LCP1: variants seen among roughly 807,000 people sequenced by gnomAD.
LCP1 encodes lymphocyte cytosolic protein 1.
Under a neutral mutation model 72.0 loss-of-function variants are expected in LCP1, and 23 were observed. That is an observed-to-expected ratio of 0.32 (90% CI 0.23 to 0.45). LCP1 has a LOEUF of 0.45. Ranked by LOEUF, LCP1 falls within the 20% of genes least tolerant of loss-of-function variation. LCP1 has a pLI of 1.00. For missense variants in LCP1, 571 were observed against 748.3 expected (o/e 0.76, Z 2.76); for synonymous variants, 245 against 275.4 (o/e 0.89, Z 1.09).
intron 1 of LCP1, among the ~76,000 whole-genome samples, chr13:46,178,018 G>T (rs185038289): frequency 6.9e-6 from 1 of 145,104 alleles, no homozygotes; most frequent in Admixed American, 6.7e-5. Context: ...AAGCACCATG[G>T]TTTGCTACCT....
chr13:46,176,041 A>C (rs2045927711), intron 1 of LCP1, among the ~76,000 whole-genome samples: 1 of 152,200 alleles, frequency 6.6e-6, no homozygotes, highest in Non-Finnish European at 1.5e-5. Context: ...ACCTGAGATT[A>C]CTAGAGGCTG....
At chr13:46,142,920 C>T (rs765521277) in intron 12 of LCP1, 5 of 365,526 alleles carry the variant, frequency 1.4e-5, no homozygotes, top group Non-Finnish European at 2.7e-5. Flanking sequence ...AATGTTCCCA[C>T]TGTGTTGACA....
At chr13:46,148,762 A>G in intron 8 of LCP1, 2 of 821,742 alleles carry the variant, frequency 2.4e-6, no homozygotes, top group Non-Finnish European at 3.0e-6. Flanking sequence ...TAAATTGTAT[A>G]CAGGAAAATA....
chr13:46,172,601 G>A (rs1418752937), intron 1 of LCP1, among the ~76,000 whole-genome samples: 1 of 152,216 alleles, frequency 6.6e-6, no homozygotes, highest in African/African-American at 2.4e-5. Context: ...AGGGATGCAG[G>A]AGGAGACCTC....
intron 15 of LCP1, among the ~76,000 whole-genome samples, 186 bp downstream of exon 15, chr13:46,130,628 G>T (rs1463516325): frequency 2.7e-5 from 4 of 150,216 alleles, no homozygotes; most frequent in Non-Finnish European, 5.9e-5. Context: ...GGCACTAGAA[G>T]TTTTAAACTA....
chr13:46,159,753 A>AT, intron 1 of LCP1, 67 bp from the exon 2 acceptor site: 1 of 870,440 alleles, frequency 1.1e-6, no homozygotes, highest in East Asian at 2.4e-5. Context: ...CACATTAAGA[A>AT]GCAATTCCCA....
rs1241323247 is a variant in LCP1 at position 46,127,718 on chromosome 13, G to A, written c.1757C>T (p.Ala586Val). ...TCCAATTTTTCGGGCCATAGAGATGGCATATCTAAAAGGGAGAAAAGAGGA... is the reference window on the plus strand; with the variant it reads ...TCCAATTTTTCGGGCCATAGAGATGACATATCTAAAAGGGAGAAAAGAGGA... ...DDEKLNNAKY[A>V]ISMARKIGAR... The change falls in exon 16 of 16, where the codon GCC (alanine) becomes GTC (valine). Residue 586 changes from alanine (A) to valine (V), a missense_variant. Coordinates refer to ENST00000323076, the MANE Select transcript of LCP1 (RefSeq NM_002298.5). The A allele has an allele frequency of 6.2e-7, 1 of 1,614,000 alleles. No homozygotes were observed. The highest frequency in any genetic ancestry group is 1.3e-5 in the African/African-American group (1 of 74,900).
intron 1 of LCP1, among the ~76,000 whole-genome samples, chr13:46,163,577 T>C (rs2045858821): frequency 6.6e-6 from 1 of 151,280 alleles, no homozygotes. Flanking sequence ...CCCTCCACTA[T>C]TGTCCTGTGA....
In LCP1 at chr13:46,143,416, A is replaced by G. The variant is rs778110555; in HGVS notation, c.1254-12T>C. 2 of 1,574,962 alleles carry G rather than the reference A, an allele frequency of 1.3e-6. No individual in the cohort carries two copies. Among genetic ancestry groups the G allele is most frequent in the South Asian group, 2.2e-5 (2 of 90,096 alleles). On this transcript the variant is annotated splice_polypyrimidine_tract_variant and intron_variant, in intron 11 of 15. Coordinates refer to ENST00000323076, the MANE Select transcript of LCP1 (RefSeq NM_002298.5). The stretch of plus-strand genomic sequence containing the variant: ...CATCTGATAAGTCACTGAACAAAAC[A>G]AACACAAAAGGATTCTCAGATATCC...
intron 8 of LCP1, 25 bp downstream of exon 8, chr13:46,150,911 C>A: frequency 6.2e-7 from 1 of 1,607,888 alleles, no homozygotes; most frequent in South Asian, 1.1e-5. Flanking sequence ...TGCAGAGAGT[C>A]ATGTTCAAAC....
At chr13:46,137,873 A>C (rs1469569140) in intron 13 of LCP1, among the ~76,000 whole-genome samples, 1 of 152,212 alleles carries the variant, frequency 6.6e-6, no homozygotes, top group Admixed American at 6.5e-5. Flanking sequence ...GAGGCACTAG[A>C]GGGATGTGAT....
intron 7 of LCP1, among the ~76,000 whole-genome samples, chr13:46,151,600 G>A (rs1246183981): frequency 6.6e-6 from 1 of 152,148 alleles, no homozygotes; most frequent in Non-Finnish European, 1.5e-5. Context: ...TGCTCAGCTA[G>A]AAGGTTTAAA....
At chr13:46,175,849 C>T (rs1186475771) in intron 1 of LCP1, among the ~76,000 whole-genome samples, 1 of 152,162 alleles carries the variant, frequency 6.6e-6, no homozygotes, top group African/African-American at 2.4e-5. Flanking sequence ...GAGTGCTCAA[C>T]AGTGCAAAAC....
intron 7 of LCP1, among the ~76,000 whole-genome samples, chr13:46,151,404 G>C (rs2045763314): frequency 6.6e-6 from 1 of 152,212 alleles, no homozygotes; most frequent in Non-Finnish European, 1.5e-5. Flanking sequence ...TGCTGGGTCT[G>C]TCAAACCACA....
chr13:46,168,623 C>G (rs962282458), intron 1 of LCP1: 6 of 152,258 alleles, frequency 3.9e-5, no homozygotes, highest in African/African-American at 1.4e-4. Flanking sequence ...CCACACACAG[C>G]TTAAGACACG....
At chr13:46,151,226 T>A in intron 7 of LCP1, 148 bp from the exon 8 acceptor site, 1 of 693,986 alleles carries the variant, frequency 1.4e-6, no homozygotes, top group South Asian at 2.3e-5. Flanking sequence ...TTCCCATGGA[T>A]TAAATATTTT....
chr13:46,174,869 G>C (rs2045921540), intron 1 of LCP1, among the ~76,000 whole-genome samples: 1 of 150,010 alleles, frequency 6.7e-6, no homozygotes, highest in South Asian at 2.1e-4. Flanking sequence ...GAAAGAAAAT[G>C]TGGAATTACA....
rs553865607 is a variant in LCP1 at position 46,126,690 on chromosome 13, T to C, written c.*901A>G. On this transcript the variant is annotated 3_prime_UTR_variant, in exon 16 of 16. Transcript: ENST00000323076. ...AACTAGATCTAATGTGAGGGCTAAATGCCTGGAGAGGCAGAACCCTAAAGG... is the reference window on the plus strand; with the variant it reads ...AACTAGATCTAATGTGAGGGCTAAACGCCTGGAGAGGCAGAACCCTAAAGG... The C allele has an allele frequency of 8.6e-6, 2 of 231,818 alleles. No homozygotes were observed. Among genetic ancestry groups the C allele is most frequent in the Non-Finnish European group, 1.7e-5 (2 of 117,130 alleles). 14.4% of individuals were successfully genotyped at this position (231,818 alleles called of 1,614,324 possible).
chr13:46,161,780 G>A (rs1310765538), intron 1 of LCP1, among the ~76,000 whole-genome samples: 2 of 152,184 alleles, frequency 1.3e-5, no homozygotes, highest in African/African-American at 2.4e-5. Context: ...ACATGCCTAA[G>A]ACCCCGCATG....
Sources: gnomAD v4.1 joint callset for allele counts (sites outside exome capture counted in the v4.1 genomes callset) on GRCh38, gnomAD v4.1.1 for gene constraint, MANE v1.5 for transcripts, NCBI Gene and HGNC (gene_info 2026-07-23, HGNC 2026-07-21) for gene names.